AKR1B10: variants seen among roughly 807,000 people sequenced by gnomAD.
AKR1B10 encodes the protein ARP.
AKR1B10 carries 39 observed loss-of-function variants against 38.9 expected under a neutral mutation model. That is an observed-to-expected ratio of 1.00 (90% confidence interval 0.78 to 1.31). The LOEUF (loss-of-function observed/expected upper bound fraction) is 1.31. Ranked by LOEUF, AKR1B10 falls within the 50% of genes most tolerant of loss-of-function variation. The pLI, the probability that AKR1B10 is intolerant of heterozygous loss-of-function variation, is 0.00. For missense variants in AKR1B10, 361 were observed against 382.6 expected, an observed-to-expected ratio of 0.94 and a Z score of 0.47; for synonymous variants, 148 against 141.2, an observed-to-expected ratio of 1.05 and a Z score of -0.34.
At chr7:134,540,051 C>A (rs1268071613) in intron 9 of AKR1B10, among the ~76,000 whole-genome samples, 1 of 152,056 alleles carries the variant, frequency 6.6e-6, no homozygotes, top group African/African-American at 2.4e-5. Context: ...CATGGTGAAA[C>A]CCCGTCTCTA....
At chr7:134,531,872 C>G (rs1291353557) in intron 2 of AKR1B10, 36 bp from the exon 3 acceptor site, 3 of 1,611,898 alleles carry the variant, frequency 1.9e-6, no homozygotes, top group Admixed American at 3.3e-5. Context: ...CCTTCCTTTT[C>G]CCAGTATTAA....
At position 134,527,827 on chromosome 7, in the gene AKR1B10, C is replaced by A. The variant is rs1486403548; in HGVS notation, c.-85C>A. On this transcript the variant is annotated 5_prime_UTR_variant, in exon 1 of 10. Coordinates refer to ENST00000359579, the MANE Select transcript of AKR1B10 (RefSeq NM_020299.5). ...CACCACTGCACTCTAGCCTTGGCAA[C>A]AGTGCAAGACTGTCTCAAAAACAGC... 6.3e-7 allele frequency: 1 copy of A among 1,586,132 alleles called. No individual in the cohort carries two copies. Among genetic ancestry groups the A allele is most frequent in the Non-Finnish European group, 8.6e-7 (1 of 1,159,484 alleles).
chr7:134,534,323 T>C (rs1191105124), intron 4 of AKR1B10, among the ~76,000 whole-genome samples: 1 of 152,126 alleles, frequency 6.6e-6, no homozygotes, highest in Admixed American at 6.5e-5. Context: ...GGTTTCACCA[T>C]GTTGGCCAGT....
At chr7:134,539,247 G>A (rs914613961) in intron 9 of AKR1B10, among the ~76,000 whole-genome samples, 2 of 152,160 alleles carry the variant, frequency 1.3e-5, no homozygotes, top group Non-Finnish European at 2.9e-5. Context: ...ATAACAGAAG[G>A]TGGGTTGTCA....
At chr7:134,540,989 AGTT>A (rs1350806145) in intron 9 of AKR1B10, 55 bp from the exon 10 acceptor site, 14 of 1,231,274 alleles carry the variant, frequency 1.1e-5, no homozygotes, top group African/African-American at 1.5e-5. Context: ...TCTCAACCAG[AGTT>A]GTTGTTTTGA....
In AKR1B10 at chr7:134,538,300, C is replaced by T. The variant is rs1389121087; in HGVS notation, c.825+23C>T. The T allele has an allele frequency of 3.1e-6, 5 of 1,603,866 alleles. No individual in the cohort carries two copies. The African/African-American group carries it at 5.4e-5, about 17-fold the overall frequency. The stretch of plus-strand genomic sequence containing the variant: ...CAGGTAAGTTTCCGGCTGGTCGGCC[C>T]TGGTATTCCTCAGTGGAGTGGGGGA... On this transcript the variant is annotated intron_variant, in intron 8 of 9. Transcript: ENST00000359579.
At chr7:134,540,015 CAGG>C (rs1472633559) in intron 9 of AKR1B10, among the ~76,000 whole-genome samples, 1 of 152,092 alleles carries the variant, frequency 6.6e-6, no homozygotes, top group African/African-American at 2.4e-5. Context: ...ATCAAGAGGT[CAGG>C]AGATCAAGAC....
chr7:134,538,040 G>A, intron 7 of AKR1B10, 154 bp from the exon 8 acceptor site: 1 of 751,062 alleles, frequency 1.3e-6, no homozygotes, highest in Non-Finnish European at 2.3e-6. Flanking sequence ...AGAGGTGGGG[G>A]TCTGGCACAA....
chr7:134,531,229 C>T (rs1807848000), intron 2 of AKR1B10, among the ~76,000 whole-genome samples: 1 of 152,104 alleles, frequency 6.6e-6, no homozygotes, highest in Non-Finnish European at 1.5e-5. Context: ...ATGGTAGGGG[C>T]ATTTTTCTAT....
intron 2 of AKR1B10, 113 bp from the exon 3 acceptor site, chr7:134,531,794 AC>A: frequency 8.4e-7 from 1 of 1,193,926 alleles, no homozygotes; most frequent in Non-Finnish European, 1.2e-6. Flanking sequence ...CAGCTTTGTT[AC>A]AAATGGCTTG....
At chr7:134,530,167 A>C (rs1157093240) in intron 1 of AKR1B10, among the ~76,000 whole-genome samples, 2 of 152,166 alleles carry the variant, frequency 1.3e-5, no homozygotes, top group Non-Finnish European at 2.9e-5. Flanking sequence ...CATTTGGGGA[A>C]ATTGTCTGAA....
intron 2 of AKR1B10, 70 bp downstream of exon 2, chr7:134,530,880 C>T (rs1585750984): frequency 1.9e-6 from 3 of 1,541,986 alleles, no homozygotes; most frequent in Non-Finnish European, 2.6e-6. Context: ...GGGTTGGCAG[C>T]AAGAACTCTG....
intron 1 of AKR1B10, among the ~76,000 whole-genome samples, chr7:134,528,249 T>TTC (rs1278283573): frequency 6.6e-6 from 1 of 152,220 alleles, no homozygotes; most frequent in Non-Finnish European, 1.5e-5. Context: ...CCAGGGCAGT[T>TTC]TCTCTCTCTG....
In AKR1B10 at chr7:134,537,713, G is replaced by C. The variant is rs748759196; in HGVS notation, c.741+52G>C. 5.0e-6 allele frequency: 8 copies of C among 1,597,506 alleles called. No homozygotes were observed. The East Asian group carries it at 6.7e-5, about 13-fold the overall frequency. ...TCCAACAACTCATTCTTCCAGTCTC[G>C]TGTTTCATATCCTGTGTTGTCCTCA... On this transcript the variant is annotated intron_variant, in intron 7 of 9. Coordinates refer to ENST00000359579, the MANE Select transcript of AKR1B10 (RefSeq NM_020299.5).
At chr7:134,536,329 T>C (rs1175505581) in intron 4 of AKR1B10, among the ~76,000 whole-genome samples, 5 of 149,874 alleles carry the variant, frequency 3.3e-5, no homozygotes, top group Non-Finnish European at 7.4e-5. Context: ...TTTTATTTTT[T>C]TGCATTACAA....
chr7:134,534,485 G>A (rs933336218), intron 4 of AKR1B10, among the ~76,000 whole-genome samples: 7 of 152,212 alleles, frequency 4.6e-5, no homozygotes, highest in African/African-American at 1.7e-4. Flanking sequence ...AGTATGGCAA[G>A]TATGTCAATG....
chr7:134,529,384 A>G lies in AKR1B10; in HGVS notation c.67-1259A>G, dbSNP rs558314437. On this transcript the variant is annotated intron_variant, in intron 1 of 9. Transcript: ENST00000359579. Reference sequence around the variant, plus strand: ...ATAAACAGAATAAATAATCACTTCCAGATCTCCAGGGAATCTACTCACCCT... The same window carrying G: ...ATAAACAGAATAAATAATCACTTCCGGATCTCCAGGGAATCTACTCACCCT... Among the ~76,000 whole-genome samples, 9 of 152,328 alleles carry G rather than the reference A, an allele frequency of 5.9e-5. No homozygotes were observed. The South Asian group carries it at 1.7e-3, about 28-fold the overall frequency.
chr7:134,527,741 G>C lies in AKR1B10; in HGVS notation c.-171G>C. The C allele has an allele frequency of 1.3e-6, 1 of 782,130 alleles. No homozygotes were observed. The highest frequency in any genetic ancestry group is 2.3e-5 in the South Asian group (1 of 42,880). The allele number at this position is 782,130 out of a possible 1,614,324, so 48.4% of individuals were successfully genotyped here. On this transcript the variant is annotated 5_prime_UTR_variant, in exon 1 of 10. Coordinates refer to ENST00000359579, the MANE Select transcript of AKR1B10 (RefSeq NM_020299.5). ...GGCGCCTGTAATCCCAGCTACTCGGGAGGCTGAGGCAGGAGAATTGCTTGA... is the reference window on the plus strand; with the variant it reads ...GGCGCCTGTAATCCCAGCTACTCGGCAGGCTGAGGCAGGAGAATTGCTTGA...
chr7:134,540,912 T>G, intron 9 of AKR1B10, 135 bp from the exon 10 acceptor site: 1 of 682,634 alleles, frequency 1.5e-6, no homozygotes, highest in South Asian at 1.7e-5. Context: ...GGCACCCTCC[T>G]TATGTTCTTG....
Sources: allele counts gnomAD v4.1 joint callset (sites outside exome capture counted in the v4.1 genomes callset), GRCh38; gene constraint gnomAD v4.1.1; transcripts MANE v1.5; gene names NCBI Gene and HGNC (gene_info 2026-07-23, HGNC 2026-07-21).